The following AUTS2 variants were observed in gnomAD, a reference collection of about 807,000 sequenced individuals.
AUTS2 encodes autism susceptibility gene 2 protein.
Under a neutral mutation model 112.4 loss-of-function variants are expected in AUTS2, and 17 were observed. The observed-to-expected ratio is 0.15, with a 90% CI of 0.10 to 0.23. AUTS2 has a LOEUF of 0.23. AUTS2 is among the 10% of genes least tolerant of loss of function. The pLI is 1.00. For synonymous variants in AUTS2, 751 were observed against 702.7 expected, an observed-to-expected ratio of 1.07 and a Z score of -1.09; for missense variants, 1,510 against 1,701.6, an observed-to-expected ratio of 0.89 and a Z score of 1.98.
At chr7:70,434,884 A>C (rs889564398) in intron 4 of AUTS2, among the ~76,000 whole-genome samples, 9 of 152,212 alleles carry the variant, frequency 5.9e-5, no homozygotes, top group Non-Finnish European at 1.0e-4. Flanking sequence ...CTCTAACAAA[A>C]CACATCCCCC....
At chr7:70,775,857 T>C (rs1217582774) in intron 13 of AUTS2, among the ~76,000 whole-genome samples, 2 of 152,218 alleles carry the variant, frequency 1.3e-5, no homozygotes, top group African/African-American at 2.4e-5. Flanking sequence ...TTTGTTAACA[T>C]CTTGCTTAAA....
chr7:70,366,851 G>A (rs1792594426), intron 4 of AUTS2, among the ~76,000 whole-genome samples: 1 of 152,146 alleles, frequency 6.6e-6, no homozygotes. Flanking sequence ...CAATACAGGG[G>A]GAGGATTGAG....
At chr7:69,970,816 G>A (rs1797818965) in intron 2 of AUTS2, among the ~76,000 whole-genome samples, 1 of 152,070 alleles carries the variant, frequency 6.6e-6, no homozygotes, top group African/African-American at 2.4e-5. Context: ...TGATCCTAGA[G>A]ATACAGAATT....
At chr7:70,348,241 T>A in intron 4 of AUTS2, among the ~76,000 whole-genome samples, 1 of 152,158 alleles carries the variant, frequency 6.6e-6, no homozygotes, top group East Asian at 1.9e-4. Context: ...CCCCAAAAAT[T>A]AAAAATAACT....
At chr7:70,173,998 G>T (rs551188720) in intron 4 of AUTS2, among the ~76,000 whole-genome samples, 1 of 152,290 alleles carries the variant, frequency 6.6e-6, no homozygotes, top group East Asian at 1.9e-4. Flanking sequence ...TCACTCACTT[G>T]AATAAATCAA....
chr7:70,024,172 A>G (rs1800409295), intron 2 of AUTS2, among the ~76,000 whole-genome samples: 1 of 152,214 alleles, frequency 6.6e-6, no homozygotes, highest in African/African-American at 2.4e-5. Context: ...AGTTTATTTT[A>G]ATGACAAACA....
intron 5 of AUTS2, among the ~76,000 whole-genome samples, chr7:70,648,258 C>T (rs1031514856): frequency 4.6e-5 from 7 of 152,150 alleles, no homozygotes; most frequent in African/African-American, 1.7e-4. Flanking sequence ...CACCACCAGA[C>T]TACCACAGTT....
intron 5 of AUTS2, among the ~76,000 whole-genome samples, chr7:70,453,467 A>G (rs1175892609): frequency 6.6e-6 from 1 of 152,234 alleles, no homozygotes; most frequent in Non-Finnish European, 1.5e-5. Flanking sequence ...TTGTCCGTGT[A>G]TTAGTTTCCT....
intron 5 of AUTS2, among the ~76,000 whole-genome samples, chr7:70,484,425 G>A (rs989928626): frequency 2.6e-5 from 4 of 152,152 alleles, no homozygotes; most frequent in East Asian, 1.9e-4. Flanking sequence ...GGAAGAGCAC[G>A]TGTGGCTTCT....
chr7:70,562,163 G>A (rs896284849), intron 5 of AUTS2, among the ~76,000 whole-genome samples: 16 of 152,188 alleles, frequency 1.1e-4, no homozygotes, highest in African/African-American at 3.9e-4. Context: ...AGAGCCATGA[G>A]CCAAATAAAC....
At chr7:70,789,596 G>A in intron 18 of AUTS2, 152 bp from the exon 19 acceptor site, 1 of 858,700 alleles carries the variant, frequency 1.2e-6, no homozygotes, top group Non-Finnish European at 1.8e-6. Context: ...GGCTGGCTCT[G>A]CCCTGTCCAG....
chr7:69,992,877 C>T (rs968673906), intron 2 of AUTS2, among the ~76,000 whole-genome samples: 6 of 151,988 alleles, frequency 3.9e-5, no homozygotes, highest in African/African-American at 1.2e-4. Flanking sequence ...AAAGTGAGAC[C>T]CATCTCAGAA....
chr7:70,586,069 G>T (rs1483432117), intron 5 of AUTS2, among the ~76,000 whole-genome samples: 1 of 151,938 alleles, frequency 6.6e-6, no homozygotes, highest in Non-Finnish European at 1.5e-5. Context: ...CACCTTGTTG[G>T]CCAGGCTGGT....
At chr7:70,355,274 C>T (rs1791954525) in intron 4 of AUTS2, among the ~76,000 whole-genome samples, 1 of 151,996 alleles carries the variant, frequency 6.6e-6, no homozygotes, top group Non-Finnish European at 1.5e-5. Flanking sequence ...CAAATTTTTA[C>T]ATCTGAGTCT....
At chr7:70,144,283 C>T (rs772680005) in intron 4 of AUTS2, among the ~76,000 whole-genome samples, 15 of 151,916 alleles carry the variant, frequency 9.9e-5, no homozygotes, top group Non-Finnish European at 1.6e-4. Flanking sequence ...TATCTCAACC[C>T]AAAATCAAAA....
chr7:70,648,620 C>T (rs944382026), intron 5 of AUTS2, among the ~76,000 whole-genome samples: 1 of 152,162 alleles, frequency 6.6e-6, no homozygotes, highest in African/African-American at 2.4e-5. Context: ...CTCACTTTGT[C>T]ACCCAGGCTG....
At chr7:70,222,501 A>G (rs1377132712) in intron 4 of AUTS2, among the ~76,000 whole-genome samples, 1 of 152,202 alleles carries the variant, frequency 6.6e-6, no homozygotes, top group Non-Finnish European at 1.5e-5. Context: ...ATGAAACAAT[A>G]TCTTTTTAAA....
chr7:70,774,556 C>T (rs2129558746), intron 12 of AUTS2, among the ~76,000 whole-genome samples: 1 of 152,228 alleles, frequency 6.6e-6, no homozygotes. Flanking sequence ...GGCTCTTTGG[C>T]CCTCTATTTT....
rs747412887 is a variant in AUTS2, at chr7:69,899,524, C to G, written c.522+26C>G. The stretch of plus-strand genomic sequence containing the variant: ...GTGAGGAAGCTTGGGTTCGCTCTTT[C>G]CTGTGGCGGCAAAATCCCTTCCTTA... On this transcript the variant is annotated intron_variant, in intron 2 of 18. Transcript: ENST00000342771. 4 of 1,608,358 alleles carry G rather than the reference C, an allele frequency of 2.5e-6. No individual in the cohort carries two copies. The Admixed American group carries it at 5.0e-5, about 20-fold the overall frequency.
Sources: gnomAD v4.1 joint callset for allele counts (sites outside exome capture counted in the v4.1 genomes callset) on GRCh38, gnomAD v4.1.1 for gene constraint, MANE v1.5 for transcripts, NCBI Gene and HGNC (gene_info 2026-07-23, HGNC 2026-07-21) for gene names.